Variants in ENTREP2 observed in about 807,000 individuals in gnomAD.
ENTREP2 encodes endosomal transmembrane epsin interactor 2.
chr15:29,571,240 G>A, the ENTREP2 span, among the ~76,000 whole-genome samples: 2 of 152,128 alleles, frequency 1.3e-5, no homozygotes, highest in African/African-American at 4.8e-5. Flanking sequence ...GAGAGCGGGG[G>A]CGGCAGCGCA....
At chr15:29,435,990 T>C in the ENTREP2 span, among the ~76,000 whole-genome samples, 2 of 152,124 alleles carry the variant, frequency 1.3e-5, no homozygotes, top group Non-Finnish European at 2.9e-5. Context: ...ACCGATGTAC[T>C]AGAGCAGCCA....
At chr15:29,147,682 C>A in the ENTREP2 span, among the ~76,000 whole-genome samples, 1 of 152,182 alleles carries the variant, frequency 6.6e-6, no homozygotes, top group Non-Finnish European at 1.5e-5. Flanking sequence ...GAAACTGGAA[C>A]CCTCATGGTC....
chr15:29,146,897 T>A, the ENTREP2 span, among the ~76,000 whole-genome samples: 1 of 151,936 alleles, frequency 6.6e-6, no homozygotes, highest in African/African-American at 2.4e-5. Flanking sequence ...ATCACACCAC[T>A]GCACTCCAGC....
chr15:29,639,768 C>CTTT, the ENTREP2 span, among the ~76,000 whole-genome samples: 36 of 127,262 alleles, frequency 2.8e-4, 1 homozygote, highest in African/African-American at 9.1e-4. Flanking sequence ...TTTTTGTTTG[C>CTTT]TTTTTTTTTT....
the ENTREP2 span, among the ~76,000 whole-genome samples, chr15:29,510,621 C>T: frequency 7.3e-5 from 11 of 151,614 alleles, no homozygotes; most frequent in Admixed American, 1.3e-4. Context: ...CTGGCTAACA[C>T]GATGAAACCC....
the ENTREP2 span, among the ~76,000 whole-genome samples, chr15:29,243,586 C>T: frequency 6.6e-6 from 1 of 152,076 alleles, no homozygotes; most frequent in Non-Finnish European, 1.5e-5. Flanking sequence ...TAAAAACATA[C>T]ATAGTCAACC....
chr15:29,138,622 T>C, the ENTREP2 span, among the ~76,000 whole-genome samples: 2 of 148,256 alleles, frequency 1.3e-5, no homozygotes, highest in Non-Finnish European at 3.0e-5. Context: ...TGTATGTATG[T>C]GTATGTGCAT....
the ENTREP2 span, among the ~76,000 whole-genome samples, chr15:29,393,099 C>A: frequency 6.6e-6 from 1 of 152,138 alleles, no homozygotes; most frequent in East Asian, 1.9e-4. Flanking sequence ...GTTTCATACA[C>A]TAATGTTCTA....
chr15:29,383,651 C>A, the ENTREP2 span, among the ~76,000 whole-genome samples: 1 of 152,156 alleles, frequency 6.6e-6, no homozygotes, highest in African/African-American at 2.4e-5. Context: ...CACAAGGTAC[C>A]CTTGGTCACA....
chr15:29,268,696 T>A, the ENTREP2 span: 1 of 1,298,804 alleles, frequency 7.7e-7, no homozygotes, highest in Non-Finnish European at 1.1e-6. Flanking sequence ...TTTACAGCAA[T>A]ATGCTCCCTG....
the ENTREP2 span, among the ~76,000 whole-genome samples, chr15:29,233,165 G>C: frequency 2.0e-5 from 3 of 152,176 alleles, no homozygotes; most frequent in Non-Finnish European, 4.4e-5. Context: ...ATTGAAAAGT[G>C]CAAGTGGAAG....
chr15:29,570,575 C>G, the ENTREP2 span: 2 of 1,470,336 alleles, frequency 1.4e-6, no homozygotes, highest in Non-Finnish European at 1.8e-6. Flanking sequence ...CGCGGCGAAG[C>G]TGACTGCCAC....
chr15:29,273,355 C>T, the ENTREP2 span, among the ~76,000 whole-genome samples: 11,448 of 151,834 alleles, frequency 0.075, 1,415 homozygotes, highest in African/African-American at 0.26. Flanking sequence ...TGTACCACCA[C>T]GTCTGGCTTT....
At chr15:29,354,389 G>A in the ENTREP2 span, among the ~76,000 whole-genome samples, 1 of 152,180 alleles carries the variant, frequency 6.6e-6, no homozygotes. Context: ...CATGATCAAT[G>A]TCCTGTATAC....
At chr15:29,506,716 T>C in the ENTREP2 span, among the ~76,000 whole-genome samples, 67 of 152,252 alleles carry the variant, frequency 4.4e-4, no homozygotes, top group African/African-American at 1.6e-3. Flanking sequence ...CTGAGGGATT[T>C]TGTCACCACC....
chr15:29,650,700 T>C, the ENTREP2 span, among the ~76,000 whole-genome samples: 2 of 152,170 alleles, frequency 1.3e-5, no homozygotes, highest in African/African-American at 2.4e-5. Flanking sequence ...GGTGGTGATG[T>C]GCGCCTATGA....
the ENTREP2 span, among the ~76,000 whole-genome samples, chr15:29,643,960 C>T: frequency 6.6e-6 from 1 of 152,050 alleles, no homozygotes; most frequent in African/African-American, 2.4e-5. Flanking sequence ...TAAATAAAAA[C>T]ATATGCCTGC....
the ENTREP2 span, among the ~76,000 whole-genome samples, chr15:29,510,774 C>CGAG: frequency 6.7e-6 from 1 of 148,826 alleles, no homozygotes; most frequent in East Asian, 2.0e-4. Context: ...GCCGCCACTA[C>CGAG]ACTCCAGCCT....
At chr15:29,450,528 A>T in the ENTREP2 span, among the ~76,000 whole-genome samples, 1 of 152,186 alleles carries the variant, frequency 6.6e-6, no homozygotes, top group Non-Finnish European at 1.5e-5. Flanking sequence ...GGTGTAAATT[A>T]GTTCAATCAT....
Sources: allele counts gnomAD v4.1 joint callset (sites outside exome capture counted in the v4.1 genomes callset), GRCh38; gene constraint gnomAD v4.1.1; transcripts MANE v1.5; gene names NCBI Gene and HGNC (gene_info 2026-07-23, HGNC 2026-07-21).